Variants in MTUS1 observed in about 807,000 individuals in gnomAD.
MTUS1 encodes microtubule-associated tumor suppressor 1.
In MTUS1, 109 loss-of-function variants were observed where a neutral mutation model predicts 120.8. The ratio of observed to expected loss-of-function variants is 0.90; its 90% confidence interval spans 0.77 to 1.06. The LOEUF (loss-of-function observed/expected upper bound fraction) is 1.06, where lower values mean the gene tolerates loss of function less well. Among genes scored for constraint, MTUS1 ranks in the 50% least tolerant of loss-of-function variants. The pLI, the probability that MTUS1 is intolerant of heterozygous loss-of-function variation, is 0.00. For synonymous variants in MTUS1, 737 were observed against 550.5 expected (o/e 1.34, Z -4.74); for missense variants, 2,210 against 1,486.3 (o/e 1.49, Z -8.01).
intron 8 of MTUS1, among the ~76,000 whole-genome samples, chr8:17,671,084 T>G (rs551313466): frequency 1.3e-5 from 2 of 152,310 alleles, no homozygotes; most frequent in South Asian, 4.1e-4. Flanking sequence ...AGTATATGTC[T>G]GTCAAACTGA....
At position 17,645,279 on chromosome 8, in the gene MTUS1, C is replaced by T. The variant is rs891642339; in HGVS notation, c.*647G>A. 1 of 152,620 alleles carries T rather than the reference C, an allele frequency of 6.6e-6. No homozygotes were observed. Among genetic ancestry groups the T allele is most frequent in the Non-Finnish European group, 1.5e-5 (1 of 68,040 alleles). 9.5% of individuals were successfully genotyped at this position (152,620 alleles called of 1,614,324 possible). ...AGACAGGGACAAGTCAAAGCTCTTCCTGTTATACCCTCTCCCTACCCTGTT... is the reference window on the plus strand; with the variant it reads ...AGACAGGGACAAGTCAAAGCTCTTCTTGTTATACCCTCTCCCTACCCTGTT... On this transcript the variant is annotated 3_prime_UTR_variant, in exon 15 of 15. Coordinates refer to ENST00000693296, the MANE Select transcript of MTUS1 (RefSeq NM_001363059.2).
chr8:17,683,203 T>C (rs1261717595), intron 7 of MTUS1, among the ~76,000 whole-genome samples: 3 of 152,068 alleles, frequency 2.0e-5, no homozygotes, highest in Non-Finnish European at 4.4e-5. Context: ...ACCCGGGAGA[T>C]AGAGCTTGTA....
chr8:17,693,074 T>C (rs209974), intron 6 of MTUS1, among the ~76,000 whole-genome samples: 38,337 of 152,016 alleles, frequency 0.25, 5,422 homozygotes, highest in East Asian at 0.54. Context: ...GCACTCTTCA[T>C]AGCAATTAAT....
intron 1 of MTUS1, chr8:17,780,827 T>C (rs1295720881): frequency 6.6e-6 from 1 of 151,980 alleles, no homozygotes; most frequent in East Asian, 1.9e-4. Flanking sequence ...TCACATCTAA[T>C]ACAAAAAAGG....
chr8:17,801,187 G>C (rs2131633307), upstream of MTUS1, among the ~76,000 whole-genome samples: 1 of 151,450 alleles, frequency 6.6e-6, no homozygotes, highest in African/African-American at 2.4e-5. Flanking sequence ...TGCACCTGGG[G>C]GCGCGCGGCG....
intron 1 of MTUS1, among the ~76,000 whole-genome samples, chr8:17,775,902 G>C (rs931883214): frequency 6.6e-6 from 1 of 152,230 alleles, no homozygotes; most frequent in African/African-American, 2.4e-5. Flanking sequence ...TCAGAGTGAA[G>C]TCAAGGTGCT....
Position 17,754,504 on chromosome 8 carries a change from G to C in MTUS1, c.1304C>G (p.Pro435Arg). Residue 435 changes from proline (P) to arginine (R), a missense_variant, in exon 2 of 15, where the codon CCC becomes CGC. Physicochemically the swap from Pro to Arg is moderately radical, Grantham distance 103. Coordinates refer to ENST00000693296, the MANE Select transcript of MTUS1 (RefSeq NM_001363059.2). The part of the protein sequence containing the change: ...TMCMSTPVLE[P>R]TKVTFSVSPI... ...TGAAACAGAAAAGGTTACTTTTGTG[G>C]GTTCTAGGACTGGTGTTGACATGCA... 1 of 1,614,076 alleles carries C rather than the reference G, an allele frequency of 6.2e-7. No homozygotes were observed. Among genetic ancestry groups the C allele is most frequent in the Non-Finnish European group, 8.5e-7 (1 of 1,180,022 alleles).
chr8:17,665,603 T>C (rs981915126), intron 8 of MTUS1, among the ~76,000 whole-genome samples: 3 of 152,144 alleles, frequency 2.0e-5, no homozygotes, highest in Non-Finnish European at 4.4e-5. Flanking sequence ...TCAAGCGATC[T>C]GTCCACCTCA....
intron 1 of MTUS1, among the ~76,000 whole-genome samples, chr8:17,760,861 C>T (rs1280057481): frequency 6.7e-6 from 1 of 149,366 alleles, no homozygotes; most frequent in Non-Finnish European, 1.5e-5. Context: ...GATAATTTCT[C>T]AAGTTCTCTT....
chr8:17,799,292 G>C (rs2052496738), intron 1 of MTUS1, among the ~76,000 whole-genome samples: 1 of 152,022 alleles, frequency 6.6e-6, no homozygotes, highest in African/African-American at 2.4e-5. Context: ...TCTATGTAAT[G>C]TAATATTAAG....
intron 1 of MTUS1, among the ~76,000 whole-genome samples, chr8:17,798,696 T>C (rs2052451320): frequency 6.6e-6 from 1 of 152,262 alleles, no homozygotes; most frequent in South Asian, 2.1e-4. Context: ...TTTAGAAGTG[T>C]TAAAAATTCT....
At position 17,695,880 on chromosome 8, in the gene MTUS1, C is replaced by T. The variant is rs572462550; in HGVS notation, c.2624-11338G>A. ...AGAACACTATGCAAGCAGCTGAGAGCGGCTGTCTCCACGGAGAGCAGACAG... is the reference window on the plus strand; with the variant it reads ...AGAACACTATGCAAGCAGCTGAGAGTGGCTGTCTCCACGGAGAGCAGACAG... On this transcript the variant is annotated intron_variant, in intron 6 of 14. Transcript: ENST00000693296. Among the ~76,000 whole-genome samples, 7 of 152,092 alleles carry T rather than the reference C, an allele frequency of 4.6e-5. No individual in the cohort carries two copies. In the East Asian group the frequency reaches 5.8e-4, roughly 13 times the overall value.
At position 17,755,811 on chromosome 8, in the gene MTUS1, G is replaced by T. The variant is rs775096963; in HGVS notation, c.-4C>A. The T allele has an allele frequency of 3.7e-6, 6 of 1,609,280 alleles. No homozygotes were observed. In the Admixed American group the frequency reaches 1.0e-4, roughly 27 times the overall value. On this transcript the variant is annotated 5_prime_UTR_variant, in exon 2 of 15. Transcript: ENST00000693296. Reference sequence around the variant, plus strand: ...CATCTGAATTATCATCAGTCATCCTGAATAGTAACCTTAAACCTCTGCCAT... The same window carrying T: ...CATCTGAATTATCATCAGTCATCCTTAATAGTAACCTTAAACCTCTGCCAT...
chr8:17,724,405 G>T (rs552339075), intron 3 of MTUS1, among the ~76,000 whole-genome samples: 1 of 151,794 alleles, frequency 6.6e-6, no homozygotes, highest in African/African-American at 2.4e-5. Flanking sequence ...ACCCAAACAG[G>T]AAGAAAAATG....
chr8:17,765,814 G>A (rs1009499205), intron 1 of MTUS1, among the ~76,000 whole-genome samples: 7 of 150,894 alleles, frequency 4.6e-5, no homozygotes, highest in African/African-American at 7.3e-5. Flanking sequence ...CAATTTTCTC[G>A]TAAAGTCCAT....
At chr8:17,792,015 A>G (rs74964025) in intron 1 of MTUS1, among the ~76,000 whole-genome samples, 4,510 of 152,256 alleles carry the variant, frequency 0.03, 97 homozygotes, top group Non-Finnish European at 0.046. Flanking sequence ...TCAAGGTCAC[A>G]TGGCTAATAG....
At chr8:17,737,931 G>C (rs193176807) in intron 3 of MTUS1, among the ~76,000 whole-genome samples, 35 of 152,180 alleles carry the variant, frequency 2.3e-4, no homozygotes, top group African/African-American at 7.9e-4. Flanking sequence ...GGATATAAAA[G>C]TAATTTGAAG....
At chr8:17,770,778 T>C (rs1246816425) in intron 1 of MTUS1, among the ~76,000 whole-genome samples, 2 of 152,214 alleles carry the variant, frequency 1.3e-5, no homozygotes, top group East Asian at 3.9e-4. Context: ...AGAAAACTTG[T>C]ACGCAGATGT....
At chr8:17,725,706 G>A (rs572343949) in intron 3 of MTUS1, among the ~76,000 whole-genome samples, 4 of 152,060 alleles carry the variant, frequency 2.6e-5, no homozygotes, top group Non-Finnish European at 5.9e-5. Flanking sequence ...TACAGCATGC[G>A]GCCCAGCACA....
Sources: gnomAD v4.1 joint callset for allele counts (sites outside exome capture counted in the v4.1 genomes callset) on GRCh38, gnomAD v4.1.1 for gene constraint, MANE v1.5 for transcripts, NCBI Gene and HGNC (gene_info 2026-07-23, HGNC 2026-07-21) for gene names.